The following MACROD2 variants were observed in gnomAD, a reference collection of about 807,000 sequenced individuals.
MACROD2 encodes ADP-ribose glycohydrolase MACROD2.
In MACROD2, 36 loss-of-function variants were observed where a neutral mutation model predicts 70.4. The ratio of observed to expected loss-of-function variants is 0.51; its 90% CI spans 0.39 to 0.68. The LOEUF (loss-of-function observed/expected upper bound fraction) is 0.68. Ranked by LOEUF, MACROD2 falls within the 30% of genes least tolerant of loss-of-function variation. The probability of loss-of-function intolerance (pLI) is 0.00; values close to 1 mark genes in which losing one functional copy is unlikely to be tolerated. For missense variants in MACROD2, 496 were observed against 538.4 expected (o/e 0.92, Z 0.78); for synonymous variants, 172 against 178.8 (o/e 0.96, Z 0.30).
intron 6 of MACROD2, among the ~76,000 whole-genome samples, chr20:15,323,596 G>T (rs1309542687): frequency 6.6e-6 from 1 of 152,098 alleles, no homozygotes; most frequent in Non-Finnish European, 1.5e-5. Context: ...TTTAGCCTCT[G>T]ACCCAAGCCA....
intron 5 of MACROD2, among the ~76,000 whole-genome samples, chr20:14,688,928 C>T (rs2071032491): frequency 6.6e-6 from 1 of 152,198 alleles, no homozygotes; most frequent in Non-Finnish European, 1.5e-5. Context: ...TTTGCCTCTA[C>T]TTCTAATACT....
intron 5 of MACROD2, among the ~76,000 whole-genome samples, chr20:14,892,546 A>G (rs1349928458): frequency 1.3e-5 from 2 of 152,208 alleles, no homozygotes; most frequent in South Asian, 2.1e-4. Context: ...GTGAAAACAT[A>G]CAATGTAACA....
chr20:14,169,492 T>TG (rs5840597), intron 3 of MACROD2, among the ~76,000 whole-genome samples: 80,048 of 151,630 alleles, frequency 0.53, 22,745 homozygotes, highest in Non-Finnish European at 0.62. Flanking sequence ...TTAGTAGAGA[T>TG]GGGGTTTCTC....
At chr20:15,802,949 C>G (rs2063739206) in intron 8 of MACROD2, among the ~76,000 whole-genome samples, 1 of 152,042 alleles carries the variant, frequency 6.6e-6, no homozygotes, top group Admixed American at 6.5e-5. Flanking sequence ...CACCTACAGT[C>G]TACCAAGATT....
At chr20:15,151,725 C>A (rs1255699425) in intron 5 of MACROD2, among the ~76,000 whole-genome samples, 1 of 151,968 alleles carries the variant, frequency 6.6e-6, no homozygotes, top group Non-Finnish European at 1.5e-5. Context: ...GGAGCATTAA[C>A]CTTGACTATG....
At chr20:14,646,868 C>T (rs1326214784) in intron 4 of MACROD2, among the ~76,000 whole-genome samples, 13 of 152,100 alleles carry the variant, frequency 8.5e-5, no homozygotes, top group East Asian at 5.8e-4. Flanking sequence ...TCTCTTAAAA[C>T]GCAGCAATTA....
At chr20:15,209,795 C>T (rs1157311344) in intron 5 of MACROD2, among the ~76,000 whole-genome samples, 1 of 152,100 alleles carries the variant, frequency 6.6e-6, no homozygotes, top group Non-Finnish European at 1.5e-5. Context: ...AACCTAAGGC[C>T]AAGACATACA....
At chr20:14,696,042 C>T (rs113032341) in intron 5 of MACROD2, among the ~76,000 whole-genome samples, 2,518 of 152,116 alleles carry the variant, frequency 0.017, 75 homozygotes, top group African/African-American at 0.057. Flanking sequence ...AGAGACAGGC[C>T]TAAATTGGAA....
intron 5 of MACROD2, among the ~76,000 whole-genome samples, chr20:15,193,946 T>A (rs2076588180): frequency 6.6e-6 from 1 of 151,654 alleles, no homozygotes; most frequent in Non-Finnish European, 1.5e-5. Context: ...ACTGTGAAAG[T>A]TTAAAAGAAA....
intron 3 of MACROD2, among the ~76,000 whole-genome samples, chr20:14,139,727 C>T (rs934529397): frequency 3.9e-5 from 6 of 152,232 alleles, no homozygotes; most frequent in Admixed American, 6.5e-5. Flanking sequence ...TTCATATGCA[C>T]AGCATATTAC....
chr20:16,035,879 C>A (rs114423535), intron 15 of MACROD2, among the ~76,000 whole-genome samples: 1 of 151,958 alleles, frequency 6.6e-6, no homozygotes, highest in African/African-American at 2.4e-5. Flanking sequence ...AAAGCCCCAA[C>A]TGTCAAATGC....
At chr20:14,618,092 C>A (rs535404537) in intron 4 of MACROD2, among the ~76,000 whole-genome samples, 37 of 124,938 alleles carry the variant, frequency 3.0e-4, no homozygotes, top group Admixed American at 1.5e-3. Context: ...GCGGTCCACA[C>A]CTGCCCTCCA....
At chr20:14,745,764 C>T (rs2071792025) in intron 5 of MACROD2, among the ~76,000 whole-genome samples, 1 of 152,110 alleles carries the variant, frequency 6.6e-6, no homozygotes, top group Non-Finnish European at 1.5e-5. Context: ...AGCTGTGCTA[C>T]TGTCCTATGT....
intron 5 of MACROD2, among the ~76,000 whole-genome samples, chr20:14,945,181 G>A (rs1439122984): frequency 2.0e-5 from 3 of 151,268 alleles, no homozygotes; most frequent in African/African-American, 7.3e-5. Context: ...CAGTGGGCCT[G>A]ATCTTGGCTC....
intron 4 of MACROD2, among the ~76,000 whole-genome samples, chr20:14,596,435 G>GTTT (rs1982151880): frequency 3.5e-5 from 4 of 115,490 alleles, no homozygotes; most frequent in Non-Finnish European, 5.5e-5. Context: ...ATATATATAT[G>GTTT]CTTTTTCTGA....
At position 14,175,502 on chromosome 20, in the gene MACROD2, C is replaced by T. The variant is rs117716122; in HGVS notation, c.271+89774C>T. Reference sequence around the variant, plus strand: ...ATTAGGTTTTATTTTGTATATGAGTCGGTTTCCCCAGTCTGTAACCTTCAC... The same window carrying T: ...ATTAGGTTTTATTTTGTATATGAGTTGGTTTCCCCAGTCTGTAACCTTCAC... On this transcript the variant is annotated intron_variant, in intron 3 of 17. Coordinates refer to ENST00000684519, the MANE Select transcript of MACROD2 (RefSeq NM_001351661.2). Among the ~76,000 whole-genome samples the T allele has an allele frequency of 7.4e-4, 112 of 152,046 alleles. 1 individual carries two copies. Among genetic ancestry groups the T allele is most frequent in the East Asian group, 4.7e-3 (24 of 5,152 alleles).
At chr20:15,594,747 T>A (rs73101880) in intron 8 of MACROD2, among the ~76,000 whole-genome samples, 1 of 152,384 alleles carries the variant, frequency 6.6e-6, no homozygotes, top group Non-Finnish European at 1.5e-5. Context: ...ATTTTTAAGA[T>A]GTCCTTTCTC....
At chr20:14,684,660 C>T (rs1425174411) in intron 4 of MACROD2, among the ~76,000 whole-genome samples, 183 bp from the exon 5 acceptor site, 7 of 132,418 alleles carry the variant, frequency 5.3e-5, no homozygotes, top group Admixed American at 2.2e-4. Context: ...CCCCCCCCCC[C>T]GGCCCCCGCC....
At chr20:15,990,536 G>A (rs1484958239) in intron 15 of MACROD2, among the ~76,000 whole-genome samples, 3 of 152,172 alleles carry the variant, frequency 2.0e-5, no homozygotes, top group African/African-American at 7.2e-5. Flanking sequence ...AATAAGTGTA[G>A]TGTGGAATAG....
Sources: gnomAD v4.1 joint callset for allele counts (sites outside exome capture counted in the v4.1 genomes callset) on GRCh38, gnomAD v4.1.1 for gene constraint, MANE v1.5 for transcripts, NCBI Gene and HGNC (gene_info 2026-07-23, HGNC 2026-07-21) for gene names.